Variants in ARHGEF7 observed in about 807,000 individuals in gnomAD.
ARHGEF7 encodes the protein Rho guanine nucleotide exchange factor 7.
ARHGEF7 carries 33 observed loss-of-function variants against 109.8 expected under a neutral mutation model. The ratio of observed to expected loss-of-function variants is 0.30; its 90% confidence interval spans 0.23 to 0.40. The LOEUF (loss-of-function observed/expected upper bound fraction) is 0.40, where lower values mean the gene tolerates loss of function less well. ARHGEF7 is among the 10% of genes least tolerant of loss of function. The probability of loss-of-function intolerance (pLI) is 1.00; values close to 1 mark genes in which losing one functional copy is unlikely to be tolerated. For missense variants in ARHGEF7, 938 were observed against 1,098.5 expected (o/e 0.85, Z 2.07); for synonymous variants, 458 against 424.6 (o/e 1.08, Z -0.97).
chr13:111,136,972 C>T (rs375182004), intron 1 of ARHGEF7, among the ~76,000 whole-genome samples: 111 of 152,268 alleles, frequency 7.3e-4, no homozygotes, highest in African/African-American at 2.3e-3. Context: ...AATACCTCTA[C>T]GCAAATAAAC....
intron 2 of ARHGEF7, among the ~76,000 whole-genome samples, chr13:111,166,779 T>A (rs2077166554): frequency 6.6e-6 from 1 of 152,222 alleles, no homozygotes; most frequent in African/African-American, 2.4e-5. Flanking sequence ...TCAGTGAAGA[T>A]CAGGTCTGGA....
intron 2 of ARHGEF7, among the ~76,000 whole-genome samples, chr13:111,186,604 T>C (rs1186100008): frequency 6.6e-6 from 1 of 152,262 alleles, no homozygotes; most frequent in East Asian, 1.9e-4. Flanking sequence ...TTATTTAAGA[T>C]TCATTTTTTA....
chr13:111,277,825 T>G (rs1198647056), intron 13 of ARHGEF7, 152 bp downstream of exon 13: 2 of 567,834 alleles, frequency 3.5e-6, no homozygotes, highest in East Asian at 5.6e-5. Context: ...AGCTCCTGTT[T>G]GTGTTTCGTT....
chr13:111,155,873 C>T (rs761198548), intron 2 of ARHGEF7, among the ~76,000 whole-genome samples: 8 of 152,034 alleles, frequency 5.3e-5, no homozygotes, highest in Non-Finnish European at 1.0e-4. Context: ...GTCGGGAGTT[C>T]GAGACCAGCC....
intron 8 of ARHGEF7, among the ~76,000 whole-genome samples, chr13:111,259,931 GAATC>G (rs1259671691): frequency 2.0e-5 from 3 of 151,976 alleles, no homozygotes; most frequent in Non-Finnish European, 4.4e-5. Context: ...AAATATGAAA[GAATC>G]AAGCAGAAAT....
chr13:111,121,471 C>G (rs906862970), intron 1 of ARHGEF7, among the ~76,000 whole-genome samples: 1 of 152,226 alleles, frequency 6.6e-6, no homozygotes, highest in Non-Finnish European at 1.5e-5. Context: ...GGCCACTGAT[C>G]ACTCTAAAAT....
chr13:111,142,871 G>A (rs1420374192), intron 1 of ARHGEF7, among the ~76,000 whole-genome samples: 2 of 152,132 alleles, frequency 1.3e-5, no homozygotes, highest in Non-Finnish European at 2.9e-5. Flanking sequence ...TAGGTGGCCG[G>A]GTTCAGTCTT....
chr13:111,226,298 A>G lies in ARHGEF7; in HGVS notation c.671-6907A>G, dbSNP rs867411009. On this transcript the variant is annotated intron_variant, in intron 5 of 21. Transcript: ENST00000646102. The stretch of plus-strand genomic sequence containing the variant: ...AGAACATGATGAAAGTGCAGGGTGA[A>G]GCAGCACGTGCTGACGGAGAAGCTG... Among the ~76,000 whole-genome samples the G allele has an allele frequency of 2.6e-5, 4 of 152,352 alleles. No homozygotes were observed. In the South Asian group the frequency reaches 8.3e-4, roughly 32 times the overall value.
At chr13:111,132,305 T>C (rs965204634) in intron 1 of ARHGEF7, among the ~76,000 whole-genome samples, 6 of 152,208 alleles carry the variant, frequency 3.9e-5, no homozygotes, top group African/African-American at 1.4e-4. Context: ...TCTCAAAATG[T>C]CTAAGACTTT....
intron 1 of ARHGEF7, among the ~76,000 whole-genome samples, chr13:111,118,840 CTT>C (rs1291803575): frequency 6.6e-6 from 1 of 152,206 alleles, no homozygotes; most frequent in African/African-American, 2.4e-5. Context: ...GAACTTGGTT[CTT>C]TCTCTGTGTG....
chr13:111,264,386 G>A (rs967516155), intron 8 of ARHGEF7, among the ~76,000 whole-genome samples: 2 of 152,146 alleles, frequency 1.3e-5, no homozygotes, highest in Middle Eastern at 3.2e-3. Flanking sequence ...AATAGCTGCA[G>A]GTGGCTAGTG....
intron 8 of ARHGEF7, among the ~76,000 whole-genome samples, chr13:111,253,184 A>T (rs906309924): frequency 3.9e-5 from 6 of 152,240 alleles, no homozygotes; most frequent in Non-Finnish European, 7.3e-5. Flanking sequence ...TGTGTCGGAG[A>T]ATTCCCTGTA....
At chr13:111,293,953 G>T (rs2093363672) in intron 19 of ARHGEF7, 2 of 985,238 alleles carry the variant, frequency 2.0e-6, no homozygotes, top group Admixed American at 6.2e-5. Flanking sequence ...GCTTCATTCA[G>T]CATGGAACAA....
intron 15 of ARHGEF7, among the ~76,000 whole-genome samples, chr13:111,282,080 A>G (rs559140472): frequency 1.3e-5 from 2 of 152,348 alleles, no homozygotes; most frequent in East Asian, 3.9e-4. Context: ...ATGACCTTAC[A>G]GTGGCTTCAT....
chr13:111,124,611 G>A (rs1365953349), intron 1 of ARHGEF7, among the ~76,000 whole-genome samples: 5 of 152,234 alleles, frequency 3.3e-5, no homozygotes, highest in Admixed American at 2.6e-4. Context: ...CTGACTCTCA[G>A]ACAGGTGGCT....
intron 8 of ARHGEF7, among the ~76,000 whole-genome samples, chr13:111,260,879 C>T (rs1003316536): frequency 2.6e-5 from 4 of 152,170 alleles, no homozygotes; most frequent in African/African-American, 9.7e-5. Context: ...AATTAATGTT[C>T]TGTTTCCTTG....
intron 2 of ARHGEF7, among the ~76,000 whole-genome samples, chr13:111,202,856 G>A (rs1282272256): frequency 2.0e-5 from 3 of 152,162 alleles, no homozygotes; most frequent in Admixed American, 6.5e-5. Flanking sequence ...CATTTTGTTG[G>A]CTGAGAATGT....
At chr13:111,227,134 A>G (rs933675798) in intron 5 of ARHGEF7, among the ~76,000 whole-genome samples, 3 of 152,246 alleles carry the variant, frequency 2.0e-5, no homozygotes, top group Non-Finnish European at 4.4e-5. Flanking sequence ...TGGTTTCTTG[A>G]AATAGAATCT....
intron 1 of ARHGEF7, chr13:111,144,411 G>C (rs2153363220): frequency 6.6e-6 from 1 of 152,338 alleles, no homozygotes; most frequent in Non-Finnish European, 1.5e-5. Context: ...CAAATCCTTG[G>C]CATTTCTGCC....
Sources: allele counts gnomAD v4.1 joint callset (sites outside exome capture counted in the v4.1 genomes callset), GRCh38; gene constraint gnomAD v4.1.1; transcripts MANE v1.5; gene names NCBI Gene and HGNC (gene_info 2026-07-23, HGNC 2026-07-21).